AGBL2: variants seen among roughly 807,000 people sequenced by gnomAD.
AGBL2 encodes AGBL carboxypeptidase 2, also known as cytosolic carboxypeptidase 2.
In AGBL2, 87 loss-of-function variants were observed where a neutral mutation model predicts 103.0. The ratio of observed to expected loss-of-function variants is 0.84; its 90% CI spans 0.71 to 1.01. The LOEUF is 1.01. AGBL2 is among the 50% of genes least tolerant of loss of function. AGBL2 has a pLI of 0.00. For missense variants in AGBL2, 904 were observed against 1,023.5 expected (o/e 0.88, Z 1.59); for synonymous variants, 335 against 356.7 (o/e 0.94, Z 0.69).
At chr11:47,685,760 G>T (rs2097421132) in intron 11 of AGBL2, 133 bp downstream of exon 11, 4 of 977,172 alleles carry the variant, frequency 4.1e-6, no homozygotes, top group Non-Finnish European at 6.0e-6. Context: ...CTAAATTCTT[G>T]AAGTCTAGGT....
At chr11:47,699,604 A>G (rs755840970) in intron 7 of AGBL2, 51 bp from the exon 8 acceptor site, 5 of 964,400 alleles carry the variant, frequency 5.2e-6, no homozygotes, top group Non-Finnish European at 7.8e-6. Flanking sequence ...TGTAAACGGC[A>G]CTATCAGAAC....
intron 13 of AGBL2, among the ~76,000 whole-genome samples, chr11:47,678,152 T>C (rs1014588458): frequency 6.6e-6 from 1 of 150,724 alleles, no homozygotes; most frequent in Non-Finnish European, 1.5e-5. Context: ...TTAGTAGAGA[T>C]GGGGTTTCAC....
rs1598895411 is a variant in AGBL2, at chr11:47,666,725, T to C, written c.2448+231A>G. ...TGGTAAGTAAGGCAGCCTGTTCTTA[T>C]GTTCTTGGTGTAAAATCACAAATCA... On this transcript the variant is annotated intron_variant, in intron 17 of 18. Coordinates refer to ENST00000525123, the MANE Select transcript of AGBL2 (RefSeq NM_024783.4). 8.2e-6 allele frequency: 5 copies of C among 610,006 alleles called. No homozygotes were observed. The East Asian group carries it at 1.1e-4, about 13-fold the overall frequency. The allele number at this position is 610,006 out of a possible 1,614,324, so 37.8% of individuals were successfully genotyped here.
In AGBL2 at chr11:47,690,331, G is replaced by A; in HGVS notation, c.1376C>T (p.Ala459Val). The change falls in exon 10 of 19, where the codon GCC becomes GTC. Residue 459 changes from alanine to valine, a missense_variant. By Grantham distance (64) the Ala-to-Val change is moderately conservative. Coordinates refer to ENST00000525123, the MANE Select transcript of AGBL2 (RefSeq NM_024783.4). ...AAAKKAVVLS[A>V]RVHPGESNGS... Reference sequence around the variant, plus strand: ...ATTACTTTCTCCAGGGTGAACTCTGGCACTCAAGACCACAGCTTTCTTTGC... The same window carrying A: ...ATTACTTTCTCCAGGGTGAACTCTGACACTCAAGACCACAGCTTTCTTTGC... 1 of 1,613,866 alleles carries A rather than the reference G, an allele frequency of 6.2e-7. No homozygotes were observed. Among genetic ancestry groups the A allele is most frequent in the South Asian group, 1.1e-5 (1 of 91,070 alleles).
Position 47,681,991 on chromosome 11 carries a change from A to G in AGBL2, c.1893T>C (p.Ser631=), listed in dbSNP as rs778795890. The G allele has an allele frequency of 1.2e-6, 2 of 1,614,120 alleles. No homozygotes were observed. Among genetic ancestry groups the G allele is most frequent in the Admixed American group, 1.7e-5 (1 of 59,982 alleles). The stretch of plus-strand genomic sequence containing the variant: ...TACCCAGGGTGGACCCGCCAAAGGT[A>G]GACTCCATGGTGTAGCTGTTTAGGA... ...MGILNSYTME[S]TFGGSTLGNK... The change falls in exon 12 of 19, where the codon TCT becomes TCC. Residue 631 remains serine (S), a synonymous_variant. Coordinates refer to ENST00000525123, the MANE Select transcript of AGBL2 (RefSeq NM_024783.4).
intron 14 of AGBL2, among the ~76,000 whole-genome samples, chr11:47,672,119 A>T (rs2097359389): frequency 6.6e-6 from 1 of 151,962 alleles, no homozygotes; most frequent in Admixed American, 6.6e-5. Flanking sequence ...TTTCTTTTTA[A>T]ATTTTTTAAA....
chr11:47,667,636 G>A lies in AGBL2; in HGVS notation c.2275C>T (p.Gln759Ter), dbSNP rs750053721. ...KKKKSLQTRKQRNEQYQKKNL... is the reference protein window; with the variant it reads ...KKKKSLQTRK ...TTTTTCTGATACTGCTCATTTCGCT[G>A]TTTCCTAGTCTGAAGTGACTTCTTT... Residue 759 changes from glutamine to a stop codon, truncating the protein, a stop_gained, in exon 16 of 19, where the codon CAG (glutamine) becomes TAG (stop). Transcript: ENST00000525123. LOFTEE classifies it high-confidence loss of function. 1.7e-5 allele frequency: 28 copies of A among 1,613,604 alleles called. No individual in the cohort carries two copies. Among genetic ancestry groups the A allele is most frequent in the Non-Finnish European group, 2.2e-5 (26 of 1,179,826 alleles).
rs113103768 is a variant in AGBL2, at chr11:47,697,360, T to C, written c.694+2086A>G. Among the ~76,000 whole-genome samples, 751 of 151,520 alleles carry C rather than the reference T, an allele frequency of 5.0e-3. 4 individuals are homozygous for C. Among genetic ancestry groups the C allele is most frequent in the Non-Finnish European group, 6.3e-3 (426 of 67,922 alleles). On this transcript the variant is annotated intron_variant, in intron 8 of 18. Transcript: ENST00000525123. ...TTCAAGGGATTCTCCTGCCTCAGCC[T>C]CCTGAATAGCTGTAACTACAGGCGC... is the stretch of plus-strand genomic sequence containing the variant.
intron 8 of AGBL2, among the ~76,000 whole-genome samples, chr11:47,698,287 C>T (rs2097484598): frequency 6.6e-6 from 1 of 151,378 alleles, no homozygotes; most frequent in Admixed American, 6.6e-5. Context: ...ACTCTCCTGC[C>T]TTAGCCTCCC....
intron 10 of AGBL2, among the ~76,000 whole-genome samples, chr11:47,687,501 T>C (rs1403578546): frequency 6.7e-6 from 1 of 149,034 alleles, no homozygotes; most frequent in African/African-American, 2.5e-5. Flanking sequence ...TGGCACACAG[T>C]AAATATTCAA....
intron 8 of AGBL2, 146 bp from the exon 9 acceptor site, chr11:47,692,402 A>ATATTT: frequency 3.6e-6 from 1 of 275,850 alleles, no homozygotes; most frequent in Non-Finnish European, 6.1e-6. Context: ...GAGACTTTTA[A>ATATTT]TCTTTTTTTT....
chr11:47,706,291 C>T (rs2097519047), intron 4 of AGBL2, among the ~76,000 whole-genome samples: 1 of 151,924 alleles, frequency 6.6e-6, no homozygotes, highest in Non-Finnish European at 1.5e-5. Flanking sequence ...CTGAGGTGGG[C>T]GGATCACGAG....
intron 4 of AGBL2, among the ~76,000 whole-genome samples, chr11:47,707,260 A>G (rs1406528477): frequency 1.3e-5 from 2 of 152,162 alleles, no homozygotes; most frequent in East Asian, 3.8e-4. Flanking sequence ...GAAATACTAC[A>G]TCAAGGGTAA....
chr11:47,683,070 GAAGAGA>G (rs957544652), intron 11 of AGBL2, among the ~76,000 whole-genome samples: 7 of 152,152 alleles, frequency 4.6e-5, no homozygotes, highest in South Asian at 4.1e-4. Flanking sequence ...AAAGAGAAGA[GAAGAGA>G]AAGAGAAAGA....
intron 10 of AGBL2, among the ~76,000 whole-genome samples, chr11:47,687,211 G>A (rs2097427512): frequency 6.6e-6 from 1 of 151,608 alleles, no homozygotes; most frequent in East Asian, 1.9e-4. Flanking sequence ...CAATTCAGAA[G>A]GGTGCCTGGT....
chr11:47,693,744 A>G (rs949787099), intron 8 of AGBL2, among the ~76,000 whole-genome samples: 2 of 152,120 alleles, frequency 1.3e-5, no homozygotes, highest in African/African-American at 2.4e-5. Context: ...TTCGTTCTGC[A>G]TAAAAGCCCT....
chr11:47,710,456 G>T lies in AGBL2; in HGVS notation c.153C>A (p.Asn51Lys). ...GAGAGCCATTCAACAGGCATTGAGG[G>T]TTATTCTTCCGAACATGCTGATGCG... is the stretch of plus-strand genomic sequence containing the variant. ...SATHQHVRKN[N>K]PQCLLNGSLG... The change falls in exon 4 of 19, where the codon AAC (asparagine) becomes AAA (lysine). Residue 51 changes from asparagine (N) to lysine (K), a missense_variant. Transcript: ENST00000525123. 6.2e-7 allele frequency: 1 copy of T among 1,614,134 alleles called. No individual in the cohort carries two copies. The highest frequency in any genetic ancestry group is 8.5e-7 in the Non-Finnish European group (1 of 1,180,004).
At chr11:47,669,895 G>A (rs956812463) in intron 14 of AGBL2, among the ~76,000 whole-genome samples, 2 of 152,116 alleles carry the variant, frequency 1.3e-5, no homozygotes, top group Non-Finnish European at 2.9e-5. Flanking sequence ...ACAGGCGTGA[G>A]CCACTGTACC....
intron 4 of AGBL2, among the ~76,000 whole-genome samples, chr11:47,708,258 G>C (rs1264799888): frequency 6.6e-6 from 1 of 151,554 alleles, no homozygotes; most frequent in Non-Finnish European, 1.5e-5. Context: ...AGTAGAGACG[G>C]GGTTTCACCA....
Sources: allele counts gnomAD v4.1 joint callset (sites outside exome capture counted in the v4.1 genomes callset), GRCh38; gene constraint gnomAD v4.1.1; transcripts MANE v1.5; gene names NCBI Gene and HGNC (gene_info 2026-07-23, HGNC 2026-07-21).